BRD4: variants seen among roughly 807,000 people sequenced by gnomAD.
BRD4 encodes the protein bromodomain-containing protein 4.
BRD4 carries 16 observed loss-of-function variants against 142.1 expected under a neutral mutation model. That is an observed-to-expected ratio of 0.11 (90% CI 0.08 to 0.17). BRD4 has a LOEUF of 0.17. Among genes scored for constraint, BRD4 ranks in the 10% least tolerant of loss-of-function variants. BRD4 has a pLI of 1.00. For synonymous variants in BRD4, 833 were observed against 707.5 expected, an observed-to-expected ratio of 1.18 and a Z score of -2.82; for missense variants, 1,424 against 1,810.9, an observed-to-expected ratio of 0.79 and a Z score of 3.88.
intron 1 of BRD4, among the ~76,000 whole-genome samples, chr19:15,279,320 A>C (rs1191231726): frequency 6.6e-6 from 1 of 152,244 alleles, no homozygotes; most frequent in African/African-American, 2.4e-5. Flanking sequence ...TAGTTCAGAC[A>C]AATTAGAAAT....
intron 1 of BRD4, among the ~76,000 whole-genome samples, chr19:15,299,865 C>T (rs539140675): frequency 1.3e-5 from 2 of 152,322 alleles, no homozygotes; most frequent in African/African-American, 4.8e-5. Context: ...ACGAGGAAAA[C>T]ACGACTTAAT....
intron 2 of BRD4, 139 bp downstream of exon 2, chr19:15,272,676 C>T: frequency 1.4e-6 from 1 of 730,606 alleles, no homozygotes; most frequent in East Asian, 2.7e-5. Context: ...CTGCTGAAAC[C>T]ACTCACTCAA....
At position 15,239,349 on chromosome 19, in the gene BRD4, C is replaced by T; in HGVS notation, c.3576+43G>A. 6 of 1,614,118 alleles carry T rather than the reference C, an allele frequency of 3.7e-6. No individual in the cohort carries two copies. Among genetic ancestry groups the T allele is most frequent in the Non-Finnish European group, 5.1e-6 (6 of 1,180,022 alleles). On this transcript the variant is annotated intron_variant, in intron 17 of 19. Transcript: ENST00000679869. The surrounding 1 kb of genome is among the most constrained non-coding windows in gnomAD (Gnocchi z 7.4). ...GGGGTGTGCCCAGCATGGCACCTTC[C>T]AGGGCCAAGGGGCAAGCGACACCCA...
intron 1 of BRD4, among the ~76,000 whole-genome samples, chr19:15,283,236 G>A (rs1262281785): frequency 2.0e-5 from 3 of 152,094 alleles, no homozygotes; most frequent in Admixed American, 2.0e-4. Context: ...TAGAGGGCAC[G>A]AAGAATTAAA....
chr19:15,310,417 G>A (rs1335880470), intron 1 of BRD4, among the ~76,000 whole-genome samples: 2 of 133,960 alleles, frequency 1.5e-5, no homozygotes, highest in Non-Finnish European at 3.1e-5. Flanking sequence ...CTGGAGTGCA[G>A]TGGCGCGATC....
chr19:15,251,396 C>T (rs956817831), intron 11 of BRD4, among the ~76,000 whole-genome samples: 8 of 130,684 alleles, frequency 6.1e-5, no homozygotes, highest in Non-Finnish European at 1.1e-4. Context: ...AAAATAGGCC[C>T]TTTCAGGAAT....
chr19:15,272,381 C>T (rs903766311), intron 2 of BRD4, among the ~76,000 whole-genome samples: 7 of 152,132 alleles, frequency 4.6e-5, no homozygotes, highest in Non-Finnish European at 1.0e-4. Context: ...GACGATGATG[C>T]TAGGTGACCA....
intron 1 of BRD4, among the ~76,000 whole-genome samples, chr19:15,327,918 T>TG (rs71176403): frequency 0.16 from 2,766 of 17,818 alleles, 550 homozygotes; most frequent in Middle Eastern, 0.32. Context: ...GGATTTCTTT[T>TG]GGGGGGGGGG....
chr19:15,311,592 A>T (rs2047971202), intron 1 of BRD4, among the ~76,000 whole-genome samples: 1 of 151,728 alleles, frequency 6.6e-6, no homozygotes, highest in African/African-American at 2.4e-5. Flanking sequence ...GGAGTTCAAG[A>T]CCAACCTGGC....
chr19:15,244,076 A>G (rs1041879823), intron 13 of BRD4, among the ~76,000 whole-genome samples, 155 bp downstream of exon 13: 2 of 152,198 alleles, frequency 1.3e-5, no homozygotes, highest in East Asian at 3.9e-4. Flanking sequence ...CATCTCCTTT[A>G]ACTTCCAAGA....
chr19:15,280,540 G>A, intron 1 of BRD4: 1 of 762,868 alleles, frequency 1.3e-6, no homozygotes. Context: ...TGTCATAGGT[G>A]AAATCTAAAA....
intron 11 of BRD4, chr19:15,249,311 A>C: frequency 6.2e-7 from 1 of 1,613,942 alleles, no homozygotes; most frequent in Non-Finnish European, 8.5e-7. Flanking sequence ...GGAGAGAGAA[A>C]CCAGTGTGAG....
At chr19:15,275,940 G>A (rs1568394093) in intron 1 of BRD4, 1 of 152,284 alleles carries the variant, frequency 6.6e-6, no homozygotes, top group Non-Finnish European at 1.5e-5. Context: ...ACTGCAGTGA[G>A]CCATGATTGT....
chr19:15,248,434 G>T (rs958875045), intron 11 of BRD4: 1 of 218,688 alleles, frequency 4.6e-6, no homozygotes. Context: ...GGCGGGTGGG[G>T]TGAGGTGGGG....
chr19:15,316,288 C>G (rs530697473), intron 1 of BRD4, among the ~76,000 whole-genome samples: 137 of 152,218 alleles, frequency 9.0e-4, no homozygotes, highest in African/African-American at 2.7e-3. Flanking sequence ...TTACTTCCCC[C>G]CAACCATCCC....
chr19:15,305,180 T>C (rs937222829), intron 1 of BRD4, among the ~76,000 whole-genome samples: 1 of 151,996 alleles, frequency 6.6e-6, no homozygotes, highest in African/African-American at 2.4e-5. Flanking sequence ...GCCTCCCAAG[T>C]AGCCAGGCAG....
chr19:15,330,790 G>A (rs571888529), intron 1 of BRD4, among the ~76,000 whole-genome samples: 125 of 152,292 alleles, frequency 8.2e-4, no homozygotes, highest in African/African-American at 2.8e-3. Context: ...ATATTGGCAA[G>A]ATCATAAAAC....
rs143111826 is a variant in BRD4 at position 15,242,802 on chromosome 19, T to C, written c.3169+98A>G. 3.8e-4 allele frequency: 578 copies of C among 1,521,496 alleles called. 1 individual carries two copies. In the African/African-American group the frequency reaches 6.9e-3, roughly 18 times the overall value. 94.2% of individuals were successfully genotyped at this position (1,521,496 alleles called of 1,614,324 possible). On this transcript the variant is annotated intron_variant, in intron 14 of 19. Transcript: ENST00000679869. ...AGCTGAGGCTCAGCTCTGAACCCAC[T>C]GCAGCCTGAAGCATGAGTTAACCCT... is the stretch of plus-strand genomic sequence containing the variant.
intron 4 of BRD4, among the ~76,000 whole-genome samples, chr19:15,267,136 G>A (rs1485642785): frequency 2.0e-5 from 3 of 152,162 alleles, no homozygotes; most frequent in East Asian, 1.9e-4. Flanking sequence ...TTCAACAAAC[G>A]TCAAAGTGCT....
Sources: gnomAD v4.1 joint callset for allele counts (sites outside exome capture counted in the v4.1 genomes callset) on GRCh38, gnomAD v4.1.1 for gene constraint, Gnocchi (gnomAD v3.1) non-coding constraint, MANE v1.5 for transcripts, NCBI Gene and HGNC (gene_info 2026-07-23, HGNC 2026-07-21) for gene names.